The following MYO3A variants were observed in gnomAD, a reference collection of about 807,000 sequenced individuals.
The protein encoded by MYO3A is myosin-IIIa.
Under a neutral mutation model 192.7 loss-of-function variants are expected in MYO3A, and 180 were observed. That is an observed-to-expected ratio of 0.93 (90% CI 0.83 to 1.06). The LOEUF (loss-of-function observed/expected upper bound fraction) is 1.06, where lower values mean the gene tolerates loss of function less well. Among genes scored for constraint, MYO3A ranks in the 50% least tolerant of loss-of-function variants. The pLI, the probability that MYO3A is intolerant of heterozygous loss-of-function variation, is 0.00. For missense variants in MYO3A, 1,896 were observed against 1,905.0 expected (o/e 1.00, Z 0.09); for synonymous variants, 628 against 645.3 (o/e 0.97, Z 0.41).
At chr10:26,047,787 A>T (rs529961118) in intron 10 of MYO3A, among the ~76,000 whole-genome samples, 29 of 152,152 alleles carry the variant, frequency 1.9e-4, no homozygotes, top group African/African-American at 3.1e-4. Context: ...TAAAAAAATT[A>T]AAAAAGAAAG....
At position 26,014,079 on chromosome 10, in the gene MYO3A, G is replaced by C. The variant is rs1588777567; in HGVS notation, c.509-2741G>C. On this transcript the variant is annotated intron_variant, in intron 6 of 34. Transcript: ENST00000642920. ...TAAGTGGGAGCTAAGCTGTGAGTAT[G>C]TATTACATACATGTGTGATGTAATG... Among the ~76,000 whole-genome samples the C allele has an allele frequency of 2.6e-5, 4 of 152,144 alleles. No individual in the cohort carries two copies. In the South Asian group the frequency reaches 8.3e-4, roughly 32 times the overall value.
chr10:25,983,213 T>G (rs1839437484), intron 4 of MYO3A, among the ~76,000 whole-genome samples: 1 of 151,380 alleles, frequency 6.6e-6, no homozygotes, highest in African/African-American at 2.4e-5. Context: ...CTTCAGAGCT[T>G]GAAAACAAGG....
chr10:26,125,003 T>TTAATGTTCCAGAAG (rs1398784867), intron 18 of MYO3A, among the ~76,000 whole-genome samples: 12 of 152,222 alleles, frequency 7.9e-5, no homozygotes, highest in South Asian at 2.1e-4. Flanking sequence ...TCCAGTTAAT[T>TTAATGTTCCAGAAG]TCTACATTTT....
rs531482191 is a variant in MYO3A, at chr10:25,997,083, G to T, written c.409-76G>T. ...TTATTATGTGTTTCCTATTGATTTT[G>T]TACAGGTACATCATCTGAAAATTTT... is the stretch of plus-strand genomic sequence containing the variant. On this transcript the variant is annotated intron_variant, in intron 5 of 34. Coordinates refer to ENST00000642920, the MANE Select transcript of MYO3A (RefSeq NM_017433.5). The T allele has an allele frequency of 7.6e-5, 84 of 1,099,184 alleles. No homozygotes were observed. In the East Asian group the frequency reaches 1.6e-3, roughly 21 times the overall value. 68.1% of individuals were successfully genotyped at this position (1,099,184 alleles called of 1,614,324 possible). A position where few individuals can be genotyped will look rare whatever the true frequency, so the allele number is the denominator to read the frequency against.
Position 26,066,977 on chromosome 10 carries a change from G to A in MYO3A, c.956G>A (p.Arg319His), listed in dbSNP as rs3824700. 835,358 of 1,599,846 alleles carry A rather than the reference G, an allele frequency of 0.52. 223,766 individuals carry two copies. Among genetic ancestry groups the A allele is most frequent in the Middle Eastern group, 0.56 (3,364 of 6,028 alleles). The change falls in exon 11 of 35, where the codon CGT becomes CAT. Residue 319 changes from arginine (R) to histidine (H), a missense_variant and splice_region_variant. Transcript: ENST00000642920. ...TCAGAAAGCGTTTTTCTCCACAGACGTGAACGTATTCACACGAAGAAAGGG... is the reference window on the plus strand; with the variant it reads ...TCAGAAAGCGTTTTTCTCCACAGACATGAACGTATTCACACGAAGAAAGGG... ...QCMGGTEKAR[R>H]ERIHTKKGNF...
chr10:25,969,482 C>T (rs536358442), intron 4 of MYO3A, among the ~76,000 whole-genome samples: 1 of 151,956 alleles, frequency 6.6e-6, no homozygotes, highest in Non-Finnish European at 1.5e-5. Flanking sequence ...ATTAAAGTGT[C>T]TTATATGTGA....
intron 17 of MYO3A, among the ~76,000 whole-genome samples, chr10:26,119,792 T>C (rs909512650): frequency 2.6e-5 from 4 of 152,194 alleles, no homozygotes; most frequent in Admixed American, 2.6e-4. Flanking sequence ...CTGAATGTAA[T>C]TTGATGTACC....
chr10:25,981,895 C>A lies in MYO3A; in HGVS notation c.304-14595C>A, dbSNP rs191166876. On this transcript the variant is annotated intron_variant, in intron 4 of 34. Transcript: ENST00000642920. ...CAGGAATATACCAGGAAATCTGAGA[C>A]ATTTTGAAGGAACTGGATCACCTCT... Among the ~76,000 whole-genome samples, 46 of 152,306 alleles carry A rather than the reference C, an allele frequency of 3.0e-4. 1 individual carries two copies. The highest frequency in any genetic ancestry group is 9.8e-4 in the Admixed American group (15 of 15,302).
intron 6 of MYO3A, among the ~76,000 whole-genome samples, chr10:26,003,338 A>T (rs888482315): frequency 1.3e-5 from 2 of 152,204 alleles, no homozygotes; most frequent in Admixed American, 1.3e-4. Flanking sequence ...TTTCCAAAAG[A>T]GGTGCCTCTT....
At chr10:25,958,093 A>G (rs1837676268) in intron 4 of MYO3A, among the ~76,000 whole-genome samples, 1 of 152,242 alleles carries the variant, frequency 6.6e-6, no homozygotes, top group South Asian at 2.1e-4. Context: ...TAGTTTAATA[A>G]GATTTCATTG....
intron 15 of MYO3A, among the ~76,000 whole-genome samples, chr10:26,091,281 C>T (rs1836685075): frequency 6.6e-6 from 1 of 152,126 alleles, no homozygotes; most frequent in Non-Finnish European, 1.5e-5. Context: ...CATCCCAGCT[C>T]AATCTCTGAC....
intron 23 of MYO3A, among the ~76,000 whole-genome samples, chr10:26,148,806 A>G (rs1179674546): frequency 6.6e-6 from 1 of 152,192 alleles, no homozygotes. Context: ...TATGAAGTCT[A>G]ATTGATTTTT....
At chr10:26,135,820 G>A (rs1839814184) in intron 20 of MYO3A, among the ~76,000 whole-genome samples, 1 of 151,776 alleles carries the variant, frequency 6.6e-6, no homozygotes, top group Admixed American at 6.6e-5. Context: ...ACAAAAATTA[G>A]CCGGGCATGG....
chr10:26,109,821 T>A (rs1838049957), intron 17 of MYO3A, among the ~76,000 whole-genome samples: 1 of 152,214 alleles, frequency 6.6e-6, no homozygotes, highest in Non-Finnish European at 1.5e-5. Context: ...ATTGCTACTC[T>A]GTTTCTAGAG....
At chr10:26,013,871 C>T (rs1228955569) in intron 6 of MYO3A, among the ~76,000 whole-genome samples, 1 of 152,210 alleles carries the variant, frequency 6.6e-6, no homozygotes, top group African/African-American at 2.4e-5. Flanking sequence ...TGGGACCAAC[C>T]TAAGTGCCCA....
intron 4 of MYO3A, among the ~76,000 whole-genome samples, chr10:25,959,764 G>A (rs1422467722): frequency 7.9e-5 from 12 of 151,674 alleles, no homozygotes; most frequent in African/African-American, 2.9e-4. Context: ...CTCCAGTTCA[G>A]TGTCAGCAGG....
chr10:26,124,304 A>G (rs990875653), intron 18 of MYO3A, among the ~76,000 whole-genome samples: 6 of 152,194 alleles, frequency 3.9e-5, no homozygotes, highest in African/African-American at 1.4e-4. Flanking sequence ...TTATGCTTAA[A>G]ATATTTATCC....
rs1837033768 is a variant in MYO3A at position 26,096,371 on chromosome 10, T to C, written c.1563-10T>C. On this transcript the variant is annotated splice_polypyrimidine_tract_variant and intron_variant, in intron 15 of 34. Coordinates refer to ENST00000642920, the MANE Select transcript of MYO3A (RefSeq NM_017433.5). ...ACTAACTACCTTACTGTAAATATCT[T>C]TTTTTCCAGTGGAGAAAAAAATTTT... 2 of 1,574,328 alleles carry C rather than the reference T, an allele frequency of 1.3e-6. No individual in the cohort carries two copies. The highest frequency in any genetic ancestry group is 1.4e-5 in the African/African-American group (1 of 73,990).
intron 4 of MYO3A, among the ~76,000 whole-genome samples, chr10:25,956,903 A>G (rs1837579172): frequency 6.6e-6 from 1 of 151,914 alleles, no homozygotes; most frequent in Non-Finnish European, 1.5e-5. Context: ...ACCCTCTACC[A>G]TCAGGTATCT....
Sources: allele counts gnomAD v4.1 joint callset (sites outside exome capture counted in the v4.1 genomes callset), GRCh38; gene constraint gnomAD v4.1.1; transcripts MANE v1.5; gene names NCBI Gene and HGNC (gene_info 2026-07-23, HGNC 2026-07-21).